Variants in ROBO1 observed in about 807,000 individuals in gnomAD.
ROBO1 encodes roundabout homolog 1.
Under a neutral mutation model 195.9 loss-of-function variants are expected in ROBO1, and 149 were observed. The ratio of observed to expected loss-of-function variants is 0.76; its 90% CI spans 0.67 to 0.87. ROBO1 has a LOEUF of 0.87. Among genes scored for constraint, ROBO1 ranks in the 40% least tolerant of loss-of-function variants. The pLI is 0.00. For missense variants in ROBO1, 1,933 were observed against 2,068.3 expected (o/e 0.93, Z 1.27); for synonymous variants, 816 against 733.2 (o/e 1.11, Z -1.82).
intron 28 of ROBO1, 67 bp downstream of exon 28, chr3:78,614,581 T>C: frequency 1.3e-6 from 2 of 1,509,336 alleles, no homozygotes; most frequent in Non-Finnish European, 1.8e-6. Context: ...ATGCATTTGC[T>C]AGTCCTAGAG....
chr3:79,319,778 A>C (rs2033895022), intron 2 of ROBO1, among the ~76,000 whole-genome samples: 1 of 152,176 alleles, frequency 6.6e-6, no homozygotes, highest in South Asian at 2.1e-4. Context: ...TCAGAATATA[A>C]TAAAAAATGC....
intron 21 of ROBO1, among the ~76,000 whole-genome samples, chr3:78,640,710 A>C (rs2107563597): frequency 6.6e-6 from 1 of 152,312 alleles, no homozygotes; most frequent in East Asian, 1.9e-4. Context: ...CTCAAACTGG[A>C]GTTGAAGAGT....
chr3:78,649,231 A>T (rs995075282), intron 19 of ROBO1, among the ~76,000 whole-genome samples: 3 of 152,078 alleles, frequency 2.0e-5, no homozygotes, highest in Admixed American at 6.6e-5. Flanking sequence ...GAAAATATGA[A>T]AGGTCCTTGT....
intron 1 of ROBO1, among the ~76,000 whole-genome samples, chr3:79,638,628 A>G (rs1264792945): frequency 4.6e-5 from 7 of 152,128 alleles, no homozygotes; most frequent in Non-Finnish European, 1.0e-4. Context: ...ATTTCTGTGA[A>G]AGGAGATAAA....
chr3:79,503,956 A>G (rs1384796473), intron 2 of ROBO1, among the ~76,000 whole-genome samples: 3 of 152,216 alleles, frequency 2.0e-5, no homozygotes, highest in Non-Finnish European at 4.4e-5. Flanking sequence ...TACAAGGCAC[A>G]GAAGAAATTT....
chr3:79,392,947 C>G (rs1054467625), intron 2 of ROBO1, among the ~76,000 whole-genome samples: 2 of 152,144 alleles, frequency 1.3e-5, no homozygotes, highest in African/African-American at 4.8e-5. Flanking sequence ...TTAGGCCTAA[C>G]CTAGTCAAAT....
chr3:79,104,391 T>C (rs2079736203), intron 3 of ROBO1, among the ~76,000 whole-genome samples: 1 of 151,834 alleles, frequency 6.6e-6, no homozygotes, highest in Non-Finnish European at 1.5e-5. Context: ...AACATTTATT[T>C]TTTCAAATAA....
At chr3:79,250,862 C>T (rs1322960710) in intron 2 of ROBO1, among the ~76,000 whole-genome samples, 2 of 152,020 alleles carry the variant, frequency 1.3e-5, no homozygotes, top group East Asian at 3.9e-4. Flanking sequence ...TGAGTCCAGA[C>T]TCATTAACAT....
chr3:79,561,305 A>C (rs951622328), intron 2 of ROBO1, among the ~76,000 whole-genome samples: 1 of 152,186 alleles, frequency 6.6e-6, no homozygotes, highest in Non-Finnish European at 1.5e-5. Flanking sequence ...TGGCCTCCTA[A>C]AAGGAGTTAA....
chr3:78,946,259 G>A (rs1194700431), intron 3 of ROBO1, among the ~76,000 whole-genome samples: 1 of 152,124 alleles, frequency 6.6e-6, no homozygotes, highest in African/African-American at 2.4e-5. Flanking sequence ...AAAATGTTAA[G>A]GGCAGCCAGG....
Position 79,696,679 on chromosome 3 carries a change from A to C in ROBO1, c.-51+71073T>G, listed in dbSNP as rs532134283. ...CTAAAAAAGGAGGCAGAGGTAAAAG[A>C]AAATGGCACCTGGATAAATTACCTT... On this transcript the variant is annotated intron_variant, in intron 1 of 30. Transcript: ENST00000464233. Among the ~76,000 whole-genome samples the C allele has an allele frequency of 2.0e-5, 3 of 151,580 alleles. No individual in the cohort carries two copies. In the East Asian group the frequency reaches 5.8e-4, roughly 30 times the overall value.
At chr3:78,848,522 G>A (rs1352011498) in intron 4 of ROBO1, among the ~76,000 whole-genome samples, 1 of 152,068 alleles carries the variant, frequency 6.6e-6, no homozygotes, top group East Asian at 1.9e-4. Context: ...GGAGGTCAGG[G>A]AATTGTCTTA....
intron 4 of ROBO1, among the ~76,000 whole-genome samples, chr3:78,851,154 C>T (rs1330766968): frequency 6.6e-6 from 1 of 151,918 alleles, no homozygotes. Flanking sequence ...GTTTTTGGTC[C>T]TTCTTATTGG....
chr3:79,342,948 T>C (rs1180103595), intron 2 of ROBO1, among the ~76,000 whole-genome samples: 1 of 152,148 alleles, frequency 6.6e-6, no homozygotes, highest in Non-Finnish European at 1.5e-5. Context: ...TCTACCACTA[T>C]AGTATTATAG....
intron 3 of ROBO1, among the ~76,000 whole-genome samples, chr3:79,120,480 C>T (rs1440859762): frequency 6.6e-6 from 1 of 152,008 alleles, no homozygotes; most frequent in Non-Finnish European, 1.5e-5. Flanking sequence ...TTGATATTCT[C>T]CAAGCTTTTC....
intron 1 of ROBO1, among the ~76,000 whole-genome samples, chr3:79,723,685 G>A (rs1702794292): frequency 6.6e-6 from 1 of 152,074 alleles, no homozygotes; most frequent in African/African-American, 2.4e-5. Context: ...GTAATATTAA[G>A]AGTCATATGA....
chr3:79,145,720 C>A (rs1395981345), intron 2 of ROBO1, among the ~76,000 whole-genome samples: 1 of 151,950 alleles, frequency 6.6e-6, no homozygotes, highest in African/African-American at 2.4e-5. Context: ...ATTTAAACCA[C>A]AACCTTTTAT....
At chr3:78,767,448 T>C (rs531073560) in intron 4 of ROBO1, among the ~76,000 whole-genome samples, 1 of 152,158 alleles carries the variant, frequency 6.6e-6, no homozygotes, top group Admixed American at 6.5e-5. Flanking sequence ...GTACTTTTGG[T>C]AGAGACGAGG....
intron 2 of ROBO1, among the ~76,000 whole-genome samples, chr3:79,578,753 G>A (rs1943571003): frequency 6.6e-6 from 1 of 152,134 alleles, no homozygotes; most frequent in Non-Finnish European, 1.5e-5. Flanking sequence ...GATTTTAAGA[G>A]AATTTGCTTG....
Sources: gnomAD v4.1 joint callset for allele counts (sites outside exome capture counted in the v4.1 genomes callset) on GRCh38, gnomAD v4.1.1 for gene constraint, MANE v1.5 for transcripts, NCBI Gene and HGNC (gene_info 2026-07-23, HGNC 2026-07-21) for gene names.